The following DCAKD variants were observed in gnomAD, a reference collection of about 807,000 sequenced individuals.
DCAKD encodes the protein dephospho-CoA kinase domain containing.
A neutral mutation model predicts 18.7 loss-of-function variants in DCAKD; 15 were observed. That is an observed-to-expected ratio of 0.80 (90% CI 0.54 to 1.24). DCAKD has a LOEUF of 1.24. DCAKD is among the 50% of genes most tolerant of loss of function. The pLI, the probability that DCAKD is intolerant of heterozygous loss-of-function variation, is 0.00. For synonymous variants in DCAKD, 130 were observed against 133.0 expected (o/e 0.98, Z 0.16); for missense variants, 301 against 322.0 (o/e 0.93, Z 0.50).
upstream of DCAKD, among the ~76,000 whole-genome samples, chr17:45,054,491 G>C (rs906373911): frequency 1.3e-5 from 2 of 151,846 alleles, no homozygotes. Context: ...CAGGCGATCT[G>C]CCTGCCTCAG....
intron 1 of DCAKD, among the ~76,000 whole-genome samples, chr17:45,059,048 G>A (rs1025275302): frequency 4.6e-5 from 7 of 152,028 alleles, no homozygotes; most frequent in Admixed American, 4.6e-4. Flanking sequence ...AGCCCACCCT[G>A]GCTAACACGG....
chr17:45,024,781 A>C, intron 4 of DCAKD, 57 bp from the exon 5 acceptor site: 2 of 1,508,880 alleles, frequency 1.3e-6, no homozygotes, highest in Non-Finnish European at 8.9e-7. Flanking sequence ...CCCAAGTTAC[A>C]GGGATAGGCA....
intron 3 of DCAKD, 150 bp downstream of exon 3, chr17:45,034,037 G>A (rs536978316): frequency 8.8e-6 from 14 of 1,596,972 alleles, no homozygotes; most frequent in South Asian, 3.3e-5. Context: ...GGGCTGGTAC[G>A]GGGCTCTGTG....
In DCAKD at chr17:45,034,956, G is replaced by C; in HGVS notation, c.-71C>G. The C allele has an allele frequency of 6.5e-7, 1 of 1,540,544 alleles. No homozygotes were observed. The highest frequency in any genetic ancestry group is 1.8e-5 in the Admixed American group (1 of 55,938). ...ACAGAATCACTGGAGAGCAGGGCAA[G>C]TGTGGCCGATGGGGGCGGTCCACCA... On this transcript the variant is annotated 5_prime_UTR_variant, in exon 2 of 5. Transcript: ENST00000651974.
intron 1 of DCAKD, among the ~76,000 whole-genome samples, chr17:45,058,506 G>A (rs548985342): frequency 7.2e-5 from 11 of 151,806 alleles, no homozygotes; most frequent in Admixed American, 1.3e-4. Context: ...TGCAACCTCC[G>A]CCTCCCAGGT....
intron 4 of DCAKD, among the ~76,000 whole-genome samples, chr17:45,027,639 C>G (rs112275462): frequency 0.061 from 9,284 of 152,132 alleles, 365 homozygotes; most frequent in Middle Eastern, 0.12. Flanking sequence ...GCCCCACTCA[C>G]CCACCAAAAC....
rs765465693 is a variant in DCAKD, at chr17:45,024,526, C to T, written c.603G>A (p.Glu201=). The change falls in exon 5 of 5, where the codon GAG becomes GAA. Residue 201 remains glutamate, a synonymous_variant. Coordinates refer to ENST00000651974, the MANE Select transcript of DCAKD (RefSeq NM_001288655.2). ...GGACCCCAAACCTCAGCGGCAGGTA[C>T]TCCAGGGAGCGCTCCAGCTCAGTGT... ...LLHTELERSL[E]YLPLRFGVLT... 1 of 1,614,174 alleles carries T rather than the reference C, an allele frequency of 6.2e-7. No homozygotes were observed. Among genetic ancestry groups the T allele is most frequent in the East Asian group, 2.2e-5 (1 of 44,876 alleles).
intron 1 of DCAKD, among the ~76,000 whole-genome samples, chr17:45,038,924 C>CT (rs1289375482): frequency 4.6e-5 from 7 of 152,216 alleles, no homozygotes; most frequent in Non-Finnish European, 7.3e-5. Flanking sequence ...TCTCTGTGCT[C>CT]TGCAGGAACG....
chr17:45,055,847 G>C (rs1194028583), upstream of DCAKD, among the ~76,000 whole-genome samples: 1 of 152,084 alleles, frequency 6.6e-6, no homozygotes, highest in Non-Finnish European at 1.5e-5. Context: ...TGGCTTCGTA[G>C]GTCCACCAGA....
upstream of DCAKD, among the ~76,000 whole-genome samples, chr17:45,053,007 T>C (rs1246614557): frequency 1.4e-5 from 2 of 138,790 alleles, no homozygotes. Flanking sequence ...CTACTAAAAA[T>C]ACAAAATTAG....
At chr17:45,024,791 A>AGCCCTGCCAG (rs2053020787) in intron 4 of DCAKD, 67 bp from the exon 5 acceptor site, 2 of 1,499,654 alleles carry the variant, frequency 1.3e-6, no homozygotes, top group South Asian at 2.6e-5. Context: ...AGGGATAGGC[A>AGCCCTGCCAG]GCCCTGCCAG....
intron 3 of DCAKD, 55 bp from the exon 4 acceptor site, chr17:45,030,234 C>A: frequency 6.6e-7 from 1 of 1,516,698 alleles, no homozygotes; most frequent in Non-Finnish European, 9.2e-7. Flanking sequence ...ACACTGAGGA[C>A]TGATGATATG....
chr17:45,043,360 G>GT (rs1227235601), intron 1 of DCAKD, among the ~76,000 whole-genome samples: 2 of 152,104 alleles, frequency 1.3e-5, no homozygotes, highest in East Asian at 3.9e-4. Context: ...AACTCAGTGT[G>GT]TGACATGTCA....
chr17:45,032,664 T>C (rs2053196027), intron 3 of DCAKD, among the ~76,000 whole-genome samples: 1 of 151,632 alleles, frequency 6.6e-6, no homozygotes, highest in Non-Finnish European at 1.5e-5. Flanking sequence ...GTTCCTGTAG[T>C]CCCAGCTACT....
At chr17:45,054,916 T>C (rs2053764279), upstream of DCAKD, among the ~76,000 whole-genome samples, 1 of 152,116 alleles carries the variant, frequency 6.6e-6, no homozygotes, top group African/African-American at 2.4e-5. Context: ...TGCCTTACAG[T>C]ATTATAACTA....
chr17:45,034,921 G>C lies in DCAKD; in HGVS notation c.-36C>G, dbSNP rs2143240848. On this transcript the variant is annotated 5_prime_UTR_variant, in exon 2 of 5. Transcript: ENST00000651974. ...AGAGAGCTGTCCGCGAGACTACGGAGCCAGGAGCTACAGAATCACTGGAGA... is the reference window on the plus strand; with the variant it reads ...AGAGAGCTGTCCGCGAGACTACGGACCCAGGAGCTACAGAATCACTGGAGA... 8 of 1,606,772 alleles carry C rather than the reference G, an allele frequency of 5.0e-6. No individual in the cohort carries two copies. The highest frequency in any genetic ancestry group is 6.8e-6 in the Non-Finnish European group (8 of 1,174,528).
At chr17:45,060,934 C>A in exon 1 of DCAKD, 1 of 791,778 alleles carries the variant, frequency 1.3e-6, no homozygotes, top group Non-Finnish European at 1.5e-6. Flanking sequence ...CGGCTCCCAG[C>A]GGCCCAGGCA....
chr17:45,024,989 G>A (rs1028352616), intron 4 of DCAKD, among the ~76,000 whole-genome samples: 1 of 151,402 alleles, frequency 6.6e-6, no homozygotes, highest in African/African-American at 2.4e-5. Flanking sequence ...ACAAACAAGG[G>A]GGGAACTTTG....
chr17:45,031,890 T>C, intron 3 of DCAKD: 10 of 985,462 alleles, frequency 1.0e-5, no homozygotes, highest in Non-Finnish European at 1.2e-5. Flanking sequence ...GTATTTGTTA[T>C]ACTCATCAGG....
Sources: gnomAD v4.1 joint callset for allele counts (sites outside exome capture counted in the v4.1 genomes callset) on GRCh38, gnomAD v4.1.1 for gene constraint, MANE v1.5 for transcripts, NCBI Gene and HGNC (gene_info 2026-07-23, HGNC 2026-07-21) for gene names.